PSG4: variants seen among roughly 807,000 people sequenced by gnomAD.
PSG4 encodes pregnancy-specific beta-1-glycoprotein 4.
In PSG4, 61 loss-of-function variants were observed where a neutral mutation model predicts 44.3. The observed-to-expected ratio is 1.38, with a 90% CI of 1.12 to 1.70. PSG4 has a LOEUF of 1.70. PSG4 is among the 40% of genes most tolerant of loss of function. The pLI, the probability that PSG4 is intolerant of heterozygous loss-of-function variation, is 0.00. For missense variants in PSG4, 677 were observed against 511.7 expected (o/e 1.32, Z -3.12); for synonymous variants, 248 against 191.3 (o/e 1.30, Z -2.45).
In PSG4 at chr19:43,197,817, C is replaced by T. The variant is rs532368477; in HGVS notation, c.709+180G>A. ...CCATGACAGGAGCAGCCTCTTTTCT[C>T]CTATTGTGGATCAAGCCTAGGCCTA... On this transcript the variant is annotated intron_variant, in intron 3 of 5. Coordinates refer to ENST00000405312, the MANE Select transcript of PSG4 (RefSeq NM_002780.5). 4.8e-6 allele frequency: 6 copies of T among 1,262,132 alleles called. No individual in the cohort carries two copies. In the Admixed American group the frequency reaches 1.3e-4, roughly 26 times the overall value. The allele number at this position is 1,262,132 out of a possible 1,614,324, so 78.2% of individuals were successfully genotyped here.
chr19:43,193,948 C>T lies in PSG4; in HGVS notation c.1243+392G>A, dbSNP rs529021385. 5.1e-4 allele frequency: 389 copies of T among 769,460 alleles called. 9 individuals carry two copies. Among genetic ancestry groups the T allele is most frequent in the African/African-American group, 3.4e-3 (191 of 56,734 alleles). The allele number at this position is 769,460 out of a possible 1,614,324, so 47.7% of individuals were successfully genotyped here. On this transcript the variant is annotated intron_variant, in intron 5 of 5. Coordinates refer to ENST00000405312, the MANE Select transcript of PSG4 (RefSeq NM_002780.5). ...AGAGCAAAAGTAAATGTTTCAATTA[C>T]GGTTCCCAGAAGTATAGTTTATTGA...
rs375869018 is a variant in PSG4, at chr19:43,203,932, G to C, written c.384C>G (p.Arg128=). 1.3e-6 allele frequency: 2 copies of C among 1,585,664 alleles called. No individual in the cohort carries two copies. The highest frequency in any genetic ancestry group is 1.7e-6 in the Non-Finnish European group (2 of 1,170,916). ...GSYTLHIIKR[R]DGTGGVTGHF... is the part of the protein sequence containing the mutation. ...GTCCAGTTACTCCTCCAGTCCCATC[G>C]CGTCGCTTTATGATGTGTAAGGTGT... is the stretch of plus-strand genomic sequence containing the variant. Residue 128 remains arginine (R), a synonymous_variant, in exon 2 of 6, where the codon CGC becomes CGG. Transcript: ENST00000405312.
rs10413681 is a variant in PSG4 at position 43,199,934 on chromosome 19, A to C, written c.431-1659T>G. On this transcript the variant is annotated intron_variant, in intron 2 of 5. Transcript: ENST00000405312. ...CAGCTCCTTAAGTAGAGAGAGTCCC[A>C]TTAAAAGGACAGAACTGGTCAGTGC... is the stretch of plus-strand genomic sequence containing the variant. 3.5e-5 allele frequency among the ~76,000 whole-genome samples: 5 copies of C among 144,900 alleles called. No homozygotes were observed. In the East Asian group the frequency reaches 7.1e-4, roughly 21 times the overall value.
At chr19:43,204,439 G>T in intron 1 of PSG4, 188 bp from the exon 2 acceptor site, 1 of 827,192 alleles carries the variant, frequency 1.2e-6, no homozygotes, top group Non-Finnish European at 1.8e-6. Flanking sequence ...GTCAAGATCA[G>T]CAGCATGACC....
In PSG4 at chr19:43,194,486, C is replaced by T; in HGVS notation, c.1097G>A (p.Trp366Ter). Residue 366 changes from tryptophan to a stop codon, truncating the protein, a stop_gained, in exon 5 of 6, where the codon TGG (tryptophan) becomes TAG (stop). Coordinates refer to ENST00000405312, the MANE Select transcript of PSG4 (RefSeq NM_002780.5). LOFTEE classifies it high-confidence loss of function. ...AESNPRAQYS[W>*]TINGKFQLSG... Reference sequence around the variant, plus strand: ...TAGCTGAAACTTCCCATTAATTGTCCAAGAATATTGTGCCCGTGGGTTAGA... The same window carrying T: ...TAGCTGAAACTTCCCATTAATTGTCTAAGAATATTGTGCCCGTGGGTTAGA... 1 of 1,612,394 alleles carries T rather than the reference C, an allele frequency of 6.2e-7. No individual in the cohort carries two copies. The highest frequency in any genetic ancestry group is 8.5e-7 in the Non-Finnish European group (1 of 1,179,126).
chr19:43,198,737 TA>T (rs1350370354), intron 2 of PSG4: 1 of 170,602 alleles, frequency 5.9e-6, no homozygotes, highest in African/African-American at 2.6e-5. Flanking sequence ...CCATTGTCCT[TA>T]AACCCTTTGG....
At chr19:43,200,951 T>C (rs1206114854) in intron 2 of PSG4, among the ~76,000 whole-genome samples, 1 of 145,998 alleles carries the variant, frequency 6.8e-6, no homozygotes, top group South Asian at 2.2e-4. Context: ...GTTATATGCC[T>C]GACAGGAAGC....
In PSG4 at chr19:43,194,574, T is replaced by G. The variant is rs898809919; in HGVS notation, c.1009A>C (p.Ile337Leu). The G allele has an allele frequency of 2.5e-6, 4 of 1,611,750 alleles. No individual in the cohort carries two copies. The highest frequency in any genetic ancestry group is 1.6e-4 in the Middle Eastern group (1 of 6,072). The change falls in exon 5 of 6, where the codon ATT becomes CTT. Residue 337 changes from isoleucine to leucine, a missense_variant. Physicochemically the swap from Ile to Leu is conservative, Grantham distance 5 (BLOSUM62 2). Transcript: ENST00000405312. ...CGGTAATAGGTGAATGAAGGGTAAA[T>G]GCTGGGGAGGTCTGGACCATCTGGC... is the stretch of plus-strand genomic sequence containing the variant. ...NVLYGPDLPS[I>L]YPSFTYYRSG...
At chr19:43,193,956 AG>A (rs778313055) in intron 5 of PSG4, 76 of 786,710 alleles carry the variant, frequency 9.7e-5, no homozygotes, top group Non-Finnish European at 1.5e-4. Flanking sequence ...TACGGTTCCC[AG>A]AAGTATAGTT....
At position 43,194,416 on chromosome 19, in the gene PSG4, A is replaced by T. The variant is rs143496527; in HGVS notation, c.1167T>A (p.Ser389Arg). The part of the protein sequence containing the change: ...LSIPQITTKH[S>R]GLYACSVRNS... ...TACGAACAGAGCAAGCATAGAGCCC[A>T]CTATGCTTTGTAGTTATTTGGGGGA... The change falls in exon 5 of 6, where the codon AGT (serine) becomes AGA (arginine). Residue 389 changes from serine (S) to arginine (R), a missense_variant. By Grantham distance (110) the Ser-to-Arg change is moderately radical (BLOSUM62 -1). Transcript: ENST00000405312. 3 of 1,612,406 alleles carry T rather than the reference A, an allele frequency of 1.9e-6. No homozygotes were observed. The highest frequency in any genetic ancestry group is 8.5e-7 in the Non-Finnish European group (1 of 1,179,072).
rs1967261302 is a variant in PSG4 at position 43,196,666 on chromosome 19, G to C, written c.709+1331C>G. ...CACCACGTTTCTAGCTTGATGATTAGTTTTTGGTCAATTCCATACTGGCCA... is the reference window on the plus strand; with the variant it reads ...CACCACGTTTCTAGCTTGATGATTACTTTTTGGTCAATTCCATACTGGCCA... On this transcript the variant is annotated intron_variant, in intron 3 of 5. Coordinates refer to ENST00000405312, the MANE Select transcript of PSG4 (RefSeq NM_002780.5). 2.0e-5 allele frequency: 3 copies of C among 151,170 alleles called. No individual in the cohort carries two copies. In the South Asian group the frequency reaches 6.2e-4, roughly 31 times the overall value. 9.4% of individuals were successfully genotyped at this position (151,170 alleles called of 1,614,324 possible).
chr19:43,200,808 C>A (rs185993903), intron 2 of PSG4, among the ~76,000 whole-genome samples: 1 of 146,238 alleles, frequency 6.8e-6, no homozygotes, highest in African/African-American at 2.6e-5. Flanking sequence ...ATCTCCTGAC[C>A]TTGTGCCTGC....
rs3859477 is a variant in PSG4, at chr19:43,197,086, C to A, written c.709+911G>T. On this transcript the variant is annotated intron_variant, in intron 3 of 5. Coordinates refer to ENST00000405312, the MANE Select transcript of PSG4 (RefSeq NM_002780.5). ...AAACTTACTCCAAAATATTTTATTC[C>A]TTTTGATGTTAATGTGAATTGAAAT... Among the ~76,000 whole-genome samples, 5 of 143,516 alleles carry A rather than the reference C, an allele frequency of 3.5e-5. 1 individual carries two copies. Among genetic ancestry groups the A allele is most frequent in the South Asian group, 2.2e-4 (1 of 4,582 alleles). The allele number at this position is 143,516 out of a possible 152,430, so 94.2% of individuals were successfully genotyped here. A position where few individuals can be genotyped will look rare whatever the true frequency, so the allele number is the denominator to read the frequency against.
intron 4 of PSG4, 153 bp from the exon 5 acceptor site, chr19:43,194,747 A>C: frequency 7.0e-7 from 1 of 1,432,436 alleles, no homozygotes; most frequent in Non-Finnish European, 9.4e-7. Context: ...AGCCTGAGGT[A>C]TTCACCTGTT....
In PSG4 at chr19:43,194,010, T is replaced by A. The variant is rs185468346; in HGVS notation, c.1243+330A>T. 7.9e-3 allele frequency: 7,497 copies of A among 948,944 alleles called. 141 individuals are homozygous for A. The highest frequency in any genetic ancestry group is 7.3e-3 in the Non-Finnish European group (4,527 of 622,750). The allele number at this position is 948,944 out of a possible 1,614,324, so 58.8% of individuals were successfully genotyped here. A position where few individuals can be genotyped will look rare whatever the true frequency, so the allele number is the denominator to read the frequency against. ...CTATAGATAGATTAAAAGAAAAAAA[T>A]TCCATAAATCTAGAAAACAAACCAT... On this transcript the variant is annotated intron_variant, in intron 5 of 5. Transcript: ENST00000405312.
intron 1 of PSG4, among the ~76,000 whole-genome samples, chr19:43,205,232 T>A (rs1313582836): frequency 7.1e-6 from 1 of 140,682 alleles, no homozygotes; most frequent in Admixed American, 7.1e-5. Flanking sequence ...CACAGCCTCC[T>A]GAGTAGCTAT....
chr19:43,195,788 C>A (rs1297640530), intron 3 of PSG4, among the ~76,000 whole-genome samples: 1 of 150,370 alleles, frequency 6.7e-6, no homozygotes, highest in African/African-American at 2.5e-5. Context: ...GATGTTTCAG[C>A]AGAAATAACA....
intron 1 of PSG4, chr19:43,204,699 C>CCCCTCCT (rs58719697): frequency 5.2e-6 from 1 of 190,912 alleles, no homozygotes; most frequent in Non-Finnish European, 9.4e-6. Context: ...TGTCTTCCCC[C>CCCCTCCT]CACGATGACT....
Position 43,202,863 on chromosome 19 carries a change from A to T in PSG4, c.430+1023T>A, listed in dbSNP as rs533101478. Among the ~76,000 whole-genome samples, 28 of 143,850 alleles carry T rather than the reference A, an allele frequency of 1.9e-4. 7 individuals carry two copies. Among genetic ancestry groups the T allele is most frequent in the African/African-American group, 7.5e-4 (28 of 37,128 alleles). 94.4% of individuals were successfully genotyped at this position (143,850 alleles called of 152,430 possible). Reference sequence around the variant, plus strand: ...AATAAATGACTATGGGGTGCTTGGAACCCAGTAAGCCCTCACTTCTGGTGG... The same window carrying T: ...AATAAATGACTATGGGGTGCTTGGATCCCAGTAAGCCCTCACTTCTGGTGG... On this transcript the variant is annotated intron_variant, in intron 2 of 5. Coordinates refer to ENST00000405312, the MANE Select transcript of PSG4 (RefSeq NM_002780.5).
Sources: gnomAD v4.1 joint callset for allele counts (sites outside exome capture counted in the v4.1 genomes callset) on GRCh38, gnomAD v4.1.1 for gene constraint, MANE v1.5 for transcripts, NCBI Gene and HGNC (gene_info 2026-07-23, HGNC 2026-07-21) for gene names.